The following CA12 variants were observed in gnomAD, a reference collection of about 807,000 sequenced individuals.
CA12 encodes the protein carbonate dehydratase XII.
A neutral mutation model predicts 46.8 loss-of-function variants in CA12; 36 were observed. That is an observed-to-expected ratio of 0.77 (90% CI 0.59 to 1.02). CA12 has a LOEUF of 1.02. Ranked by LOEUF, CA12 falls within the 50% of genes least tolerant of loss-of-function variation. The pLI is 0.00. For missense variants in CA12, 436 were observed against 451.4 expected, an observed-to-expected ratio of 0.97 and a Z score of 0.31; for synonymous variants, 202 against 187.0, an observed-to-expected ratio of 1.08 and a Z score of -0.65.
At chr15:63,356,883 C>G (rs2039302105) in intron 2 of CA12, among the ~76,000 whole-genome samples, 1 of 152,142 alleles carries the variant, frequency 6.6e-6, no homozygotes, top group African/African-American at 2.4e-5. Context: ...ACCTGTACAC[C>G]TGTGTTCATA....
At chr15:63,381,172 T>G (rs2039640127) in intron 1 of CA12, among the ~76,000 whole-genome samples, 1 of 152,162 alleles carries the variant, frequency 6.6e-6, no homozygotes, top group East Asian at 1.9e-4. Context: ...TAGGTAAGAC[T>G]TAATGGTAAA....
chr15:63,364,332 G>GAAAAAAAAAAAAAAAA lies in CA12; in HGVS notation c.106+11310_106+11325dup, dbSNP rs34673043. ...GTGAAACAGTGAAACCCCGTCACTA[G>GAAAAAAAAAAAAAAAA]AAAAAAAAAAAAAAAAAAAAAAACA... is the stretch of plus-strand genomic sequence containing the variant. On this transcript the variant is annotated intron_variant, in intron 2 of 10. Coordinates refer to ENST00000178638, the MANE Select transcript of CA12 (RefSeq NM_001218.5). 2.0e-4 allele frequency among the ~76,000 whole-genome samples: 11 copies of GAAAAAAAAAAAAAAAA among 56,118 alleles called. 3 individuals carry two copies. The highest frequency in any genetic ancestry group is 3.3e-4 in the Non-Finnish European group (11 of 33,078). 36.8% of individuals were successfully genotyped at this position (56,118 alleles called of 152,430 possible). A position where few individuals can be genotyped will look rare whatever the true frequency, so the allele number is the denominator to read the frequency against.
In CA12 at chr15:63,326,400, G is replaced by A. The variant is rs112396653; in HGVS notation, c.993-43C>T. On this transcript the variant is annotated intron_variant, in intron 10 of 10. Coordinates refer to ENST00000178638, the MANE Select transcript of CA12 (RefSeq NM_001218.5). ...CATAACTCTTGTTAGAGAGGAGAGC[G>A]AGCGAGCCAGAGAGCAGCCTGACTC... 3,056 of 1,510,618 alleles carry A rather than the reference G, an allele frequency of 2.0e-3. 23 individuals are homozygous for A. In the African/African-American group the frequency reaches 0.024, roughly 12 times the overall value. 93.6% of individuals were successfully genotyped at this position (1,510,618 alleles called of 1,614,324 possible).
Position 63,381,595 on chromosome 15 carries a change from G to T in CA12, c.85+41C>A. 5.2e-6 allele frequency: 8 copies of T among 1,544,564 alleles called. No homozygotes were observed. The South Asian group carries it at 8.1e-5, about 16-fold the overall frequency. The stretch of plus-strand genomic sequence containing the variant: ...GAGCCTTCAGCCCAGGGGCGGCTGA[G>T]CGCTCAGGAGTGTTAGGAAAGAAGC... On this transcript the variant is annotated intron_variant, in intron 1 of 10. Coordinates refer to ENST00000178638, the MANE Select transcript of CA12 (RefSeq NM_001218.5).
rs143867050 is a variant in CA12 at position 63,364,789 on chromosome 15, G to A, written c.106+10869C>T. 7.0e-4 allele frequency among the ~76,000 whole-genome samples: 107 copies of A among 152,296 alleles called. 2 individuals are homozygous for A. In the East Asian group the frequency reaches 0.016, roughly 23 times the overall value. ...GTGGTCCTGTCCAGTGCTAATCACC[G>A]CACTCCCTCCACTGCCCAACCTCTT... On this transcript the variant is annotated intron_variant, in intron 2 of 10. Coordinates refer to ENST00000178638, the MANE Select transcript of CA12 (RefSeq NM_001218.5).
intron 10 of CA12, among the ~76,000 whole-genome samples, chr15:63,326,641 A>G (rs1442370229): frequency 6.6e-6 from 1 of 152,160 alleles, no homozygotes; most frequent in Non-Finnish European, 1.5e-5. Flanking sequence ...CTGATTCCAT[A>G]ACAGGGTTCC....
At chr15:63,368,433 C>T (rs2039461963) in intron 2 of CA12, among the ~76,000 whole-genome samples, 1 of 152,196 alleles carries the variant, frequency 6.6e-6, no homozygotes, top group African/African-American at 2.4e-5. Flanking sequence ...ACTGCAGGAT[C>T]CCGAGGAAAC....
intron 8 of CA12, among the ~76,000 whole-genome samples, chr15:63,336,431 C>A (rs1161447316): frequency 6.6e-6 from 1 of 152,072 alleles, no homozygotes; most frequent in Non-Finnish European, 1.5e-5. Flanking sequence ...CTGTAACTGC[C>A]CTCAAACACT....
At position 63,339,704 on chromosome 15, in the gene CA12, CT is replaced by C. The variant is rs1048478172; in HGVS notation, c.747+583del. Among the ~76,000 whole-genome samples, 119 of 152,336 alleles carry C rather than the reference CT, an allele frequency of 7.8e-4. No individual in the cohort carries two copies. Among genetic ancestry groups the C allele is most frequent in the African/African-American group, 2.2e-3 (93 of 41,588 alleles). ...CCATTTTTCTTCTCATGAATTTAGG[CT>C]GTGGAGGACAGGTATGAGCAGTGAC... On this transcript the variant is annotated intron_variant, in intron 7 of 10. Transcript: ENST00000178638. This position sits in a 1 kb window ranked among gnomAD's most constrained non-coding sequence, Gnocchi z 4.3.
intron 2 of CA12, among the ~76,000 whole-genome samples, chr15:63,370,726 T>C (rs959675679): frequency 2.0e-5 from 3 of 151,130 alleles, no homozygotes; most frequent in African/African-American, 4.9e-5. Context: ...TGAGCCAAGA[T>C]TGCACCACTG....
chr15:63,344,172 T>A (rs1287319206), intron 4 of CA12, among the ~76,000 whole-genome samples: 1 of 152,244 alleles, frequency 6.6e-6, no homozygotes, highest in African/African-American at 2.4e-5. Context: ...AATGCACAAG[T>A]GACTATTCCT....
Position 63,346,710 on chromosome 15 carries a change from C to T in CA12, c.107-1G>A. On this transcript the variant is annotated splice_acceptor_variant, in intron 2 of 10. Coordinates refer to ENST00000178638, the MANE Select transcript of CA12 (RefSeq NM_001218.5). LOFTEE classifies it high-confidence loss of function. ...GACCAGCTATTCTCCCCATCAGGAC[C>T]TGGACACAGAGATCCATGCTCAAGA... The T allele has an allele frequency of 1.9e-6, 3 of 1,614,154 alleles. No homozygotes were observed. Among genetic ancestry groups the T allele is most frequent in the African/African-American group, 1.3e-5 (1 of 75,044 alleles).
At chr15:63,370,442 C>CAAA (rs58832010) in intron 2 of CA12, among the ~76,000 whole-genome samples, 2 of 79,124 alleles carry the variant, frequency 2.5e-5, no homozygotes, top group African/African-American at 9.1e-5. Flanking sequence ...AGCCCTGTCT[C>CAAA]AAAAAAAAAA....
chr15:63,365,968 C>G (rs1043334064), intron 2 of CA12, among the ~76,000 whole-genome samples: 2 of 151,958 alleles, frequency 1.3e-5, no homozygotes, highest in African/African-American at 4.8e-5. Context: ...GTGACACCCC[C>G]ATCTCTACTA....
intron 2 of CA12, among the ~76,000 whole-genome samples, chr15:63,370,929 G>A (rs1485637719): frequency 6.6e-6 from 1 of 152,130 alleles, no homozygotes. Flanking sequence ...CCCTCCCTTT[G>A]ATAGAGACAA....
rs753666580 is a variant in CA12 at position 63,338,865 on chromosome 15, C to T, written c.828G>A (p.Gln276=). The stretch of plus-strand genomic sequence containing the variant: ...CCAGCCTCTCATCGAACTTCTGGAC[C>T]TGCCGGAAGTTGTTGATCATTTCTC... ...SPREMINNFR[Q]VQKFDERLVY... is the part of the protein sequence containing the mutation. Residue 276 remains glutamine (Q), a synonymous_variant, in exon 8 of 11, where the codon CAG becomes CAA. Coordinates refer to ENST00000178638, the MANE Select transcript of CA12 (RefSeq NM_001218.5). The T allele has an allele frequency of 2.5e-6, 4 of 1,614,174 alleles. No homozygotes were observed. Among genetic ancestry groups the T allele is most frequent in the South Asian group, 1.1e-5 (1 of 91,070 alleles).
rs1214862215 is a variant in CA12, at chr15:63,341,060, G to A, written c.526-277C>T. On this transcript the variant is annotated intron_variant, in intron 5 of 10. Transcript: ENST00000178638. This position sits in a 1 kb window ranked among gnomAD's most constrained non-coding sequence, Gnocchi z 5.2. The stretch of plus-strand genomic sequence containing the variant: ...TGTGTGCTCTTGATGATCCAGATAT[G>A]AGCCTGAAGGCTTTGACTAACATCC... Among the ~76,000 whole-genome samples the A allele has an allele frequency of 6.6e-6, 1 of 152,116 alleles. No individual in the cohort carries two copies. Among genetic ancestry groups the A allele is most frequent in the Non-Finnish European group, 1.5e-5 (1 of 68,020 alleles).
At chr15:63,347,168 G>T (rs1033602283) in intron 2 of CA12, among the ~76,000 whole-genome samples, 1 of 152,230 alleles carries the variant, frequency 6.6e-6, no homozygotes, top group African/African-American at 2.4e-5. Flanking sequence ...GCCACCCCAG[G>T]TGGGAAAAAT....
In CA12 at chr15:63,378,335, C is replaced by G. The variant is rs2039603741; in HGVS notation, c.86-2657G>C. 6.6e-6 allele frequency among the ~76,000 whole-genome samples: 1 copy of G among 152,080 alleles called. No individual in the cohort carries two copies. The highest frequency in any genetic ancestry group is 1.5e-5 in the Non-Finnish European group (1 of 68,014). On this transcript the variant is annotated intron_variant, in intron 1 of 10. Coordinates refer to ENST00000178638, the MANE Select transcript of CA12 (RefSeq NM_001218.5). This position sits in a 1 kb window ranked among gnomAD's most constrained non-coding sequence, Gnocchi z 4.8. The stretch of plus-strand genomic sequence containing the variant: ...CCCGGGAGGCGGAGGTTGCAGTGAG[C>G]TGAGATTGTGCCATTGCACTCCAGA...
Sources: allele counts gnomAD v4.1 joint callset (sites outside exome capture counted in the v4.1 genomes callset), GRCh38; gene constraint gnomAD v4.1.1; non-coding constraint Gnocchi (gnomAD v3.1); transcripts MANE v1.5; gene names NCBI Gene and HGNC (gene_info 2026-07-23, HGNC 2026-07-21).